NCAPD2: variants seen among roughly 807,000 people sequenced by gnomAD.
The protein encoded by NCAPD2 is condensin complex subunit 1.
NCAPD2 carries 100 observed loss-of-function variants against 164.5 expected under a neutral mutation model. The observed-to-expected ratio is 0.61, with a 90% confidence interval of 0.52 to 0.72. NCAPD2 has a LOEUF of 0.72. Ranked by LOEUF, NCAPD2 falls within the 30% of genes least tolerant of loss-of-function variation. The pLI is 0.00. For missense variants in NCAPD2, 1,560 were observed against 1,749.2 expected (o/e 0.89, Z 1.93); for synonymous variants, 585 against 642.6 (o/e 0.91, Z 1.36).
Position 6,528,112 on chromosome 12 carries a change from C to A in NCAPD2, c.3143+21C>A. ...ATCAGGTAGGCCGTGGGGTTGGTACCCCCTTCTCAAGGAAGATGGGGATGA... is the reference window on the plus strand; with the variant it reads ...ATCAGGTAGGCCGTGGGGTTGGTACACCCTTCTCAAGGAAGATGGGGATGA... On this transcript the variant is annotated intron_variant, in intron 24 of 31. Transcript: ENST00000315579. This position sits in a 1 kb window ranked among gnomAD's most constrained non-coding sequence, Gnocchi z 5.1. 4 of 1,614,178 alleles carry A rather than the reference C, an allele frequency of 2.5e-6. No individual in the cohort carries two copies. Among genetic ancestry groups the A allele is most frequent in the Non-Finnish European group, 3.4e-6 (4 of 1,180,036 alleles).
At chr12:6,502,244 T>C (rs187491525) in intron 2 of NCAPD2, among the ~76,000 whole-genome samples, 25 of 152,178 alleles carry the variant, frequency 1.6e-4, no homozygotes, top group African/African-American at 5.5e-4. Context: ...TGTATGGGCA[T>C]AGATGCAACT....
chr12:6,510,953 T>A (rs1946140927), intron 5 of NCAPD2, 143 bp downstream of exon 5: 2 of 1,295,148 alleles, frequency 1.5e-6, no homozygotes, highest in Admixed American at 2.3e-5. Flanking sequence ...GTCACACGTT[T>A]TCTTCCTGGA....
intron 16 of NCAPD2, 68 bp from the exon 17 acceptor site, chr12:6,523,194 C>CTAA: frequency 6.5e-7 from 1 of 1,534,800 alleles, no homozygotes; most frequent in Non-Finnish European, 9.0e-7. Flanking sequence ...TGGGATAGCC[C>CTAA]TAATCACTGT....
At chr12:6,520,191 A>T (rs562957659) in intron 13 of NCAPD2, among the ~76,000 whole-genome samples, 115 of 149,590 alleles carry the variant, frequency 7.7e-4, no homozygotes, top group East Asian at 3.5e-3. Flanking sequence ...TAAAAAAAAA[A>T]ATATATATAT....
intron 21 of NCAPD2, 25 bp downstream of exon 21, chr12:6,526,640 T>C (rs1222390388): frequency 5.0e-6 from 8 of 1,603,322 alleles, no homozygotes; most frequent in Non-Finnish European, 6.8e-6. Context: ...GTTGACCCAC[T>C]GCGGCAGCCA....
chr12:6,514,830 C>T lies in NCAPD2; in HGVS notation c.897C>T (p.Gly299=). 5.0e-6 allele frequency: 8 copies of T among 1,614,220 alleles called. No homozygotes were observed. Among genetic ancestry groups the T allele is most frequent in the Non-Finnish European group, 6.8e-6 (8 of 1,180,044 alleles). ...ELSRDPSGTK[G]FAAFLTELAE... Reference sequence around the variant, plus strand: ...GTCGAGACCCTTCAGGGACAAAGGGCTTTGCAGCATTCCTGACAGAACTAG... The same window carrying T: ...GTCGAGACCCTTCAGGGACAAAGGGTTTTGCAGCATTCCTGACAGAACTAG... The change falls in exon 9 of 32, where the codon GGC becomes GGT. Residue 299 remains glycine (G), a synonymous_variant. Transcript: ENST00000315579.
In NCAPD2 at chr12:6,528,453, T is replaced by G; in HGVS notation, c.3299+125T>G. 7.2e-7 allele frequency: 1 copy of G among 1,380,952 alleles called. No homozygotes were observed. The highest frequency in any genetic ancestry group is 1.0e-6 in the Non-Finnish European group (1 of 991,700). The allele number at this position is 1,380,952 out of a possible 1,614,324, so 85.5% of individuals were successfully genotyped here. On this transcript the variant is annotated intron_variant, in intron 25 of 31. Coordinates refer to ENST00000315579, the MANE Select transcript of NCAPD2 (RefSeq NM_014865.4). This position sits in a 1 kb window ranked among gnomAD's most constrained non-coding sequence, Gnocchi z 5.1. ...ATCACCGCGAACATCTGCTTGATAC[T>G]TGACCTGTACAGGCCCCTGGCTAAG...
In NCAPD2 at chr12:6,528,276, G is replaced by A. The variant is rs766180121; in HGVS notation, c.3247G>A (p.Ala1083Thr). Residue 1083 changes from alanine (A) to threonine (T), a missense_variant, in exon 25 of 32, where the codon GCC becomes ACC. Physicochemically the swap from Ala to Thr is moderately conservative, Grantham distance 58. Coordinates refer to ENST00000315579, the MANE Select transcript of NCAPD2 (RefSeq NM_014865.4). The surrounding 1 kb of genome is among the most constrained non-coding windows in gnomAD (Gnocchi z 5.1). ...CCTCATGGTTGCCACTGGGGATCTG[G>A]CCATCCGCTTTCCCAATCTGGTGGA... ...SNLMVATGDLAIRFPNLVDPW... is the reference protein window; with the variant it reads ...SNLMVATGDLTIRFPNLVDPW... The A allele has an allele frequency of 6.2e-7, 1 of 1,613,638 alleles. No homozygotes were observed. Among genetic ancestry groups the A allele is most frequent in the East Asian group, 2.2e-5 (1 of 44,896 alleles).
rs1205356167 is a variant in NCAPD2, at chr12:6,531,306, T to C, written c.4121-21T>C. ...ATCTTTGTGACTCAGCTTTTTCTTA[T>C]TCCTTTAATTCTTTGCATAGATCTT... On this transcript the variant is annotated intron_variant, in intron 31 of 31. Coordinates refer to ENST00000315579, the MANE Select transcript of NCAPD2 (RefSeq NM_014865.4). The surrounding 1 kb of genome is among the most constrained non-coding windows in gnomAD (Gnocchi z 4.1). The C allele has an allele frequency of 1.2e-6, 2 of 1,605,276 alleles. No individual in the cohort carries two copies. Among genetic ancestry groups the C allele is most frequent in the Non-Finnish European group, 1.7e-6 (2 of 1,175,704 alleles).
chr12:6,529,475 C>T (rs1235968195), intron 27 of NCAPD2, 38 bp from the exon 28 acceptor site: 3 of 1,586,628 alleles, frequency 1.9e-6, no homozygotes, highest in East Asian at 4.5e-5. Context: ...CAGAGCTGGC[C>T]CTGGGCCATC....
Position 6,528,651 on chromosome 12 carries a change from T to G in NCAPD2, c.3300-28T>G. 1.9e-6 allele frequency: 3 copies of G among 1,599,434 alleles called. No homozygotes were observed. The highest frequency in any genetic ancestry group is 2.6e-6 in the Non-Finnish European group (3 of 1,169,122). ...TTAGGGTGTAGCCCGGAGGTCTCGG[T>G]CCCCATGACCCGCAATTCCATTCCT... is the stretch of plus-strand genomic sequence containing the variant. On this transcript the variant is annotated intron_variant, in intron 25 of 31. Transcript: ENST00000315579. This position sits in a 1 kb window ranked among gnomAD's most constrained non-coding sequence, Gnocchi z 5.1.
intron 2 of NCAPD2, among the ~76,000 whole-genome samples, chr12:6,497,674 C>T (rs1226704815): frequency 6.6e-6 from 1 of 152,116 alleles, no homozygotes; most frequent in Non-Finnish European, 1.5e-5. Context: ...GGCTGGAGTG[C>T]AGTGGCGCAA....
chr12:6,525,559 G>A (rs778466150), intron 17 of NCAPD2, 24 bp from the exon 18 acceptor site: 2 of 1,584,038 alleles, frequency 1.3e-6, no homozygotes, highest in Non-Finnish European at 1.7e-6. Flanking sequence ...TTTTTGGCTT[G>A]AGCCCTTTTT....
rs369598953 is a variant in NCAPD2 at position 6,522,008 on chromosome 12, G to A, written c.1925G>A (p.Ser642Asn). 1.9e-6 allele frequency: 3 copies of A among 1,613,960 alleles called. No individual in the cohort carries two copies. The African/African-American group carries it at 4.0e-5, about 22-fold the overall frequency. Reference sequence around the variant, plus strand: ...ATTACAGAGGCCATTGGCATCATCAGCAAGATGATGTATGAAAACACAACT... The same window carrying A: ...ATTACAGAGGCCATTGGCATCATCAACAAGATGATGTATGAAAACACAACT... The part of the protein sequence containing the change: ...RKITEAIGII[S>N]KMMYENTTTV... The change falls in exon 15 of 32, where the codon AGC becomes AAC. Residue 642 changes from serine to asparagine, a missense_variant. By Grantham distance (46) the Ser-to-Asn change is conservative. Coordinates refer to ENST00000315579, the MANE Select transcript of NCAPD2 (RefSeq NM_014865.4).
rs1946369344 is a variant in NCAPD2 at position 6,531,144 on chromosome 12, A to G, written c.4120+68A>G. On this transcript the variant is annotated intron_variant, in intron 31 of 31. Transcript: ENST00000315579. This position sits in a 1 kb window ranked among gnomAD's most constrained non-coding sequence, Gnocchi z 4.1. ...TAGGGTGCAGAGGGCTGGTTTCCAT[A>G]GGACCTGCTGCGGGGGCCTGAGTGT... The G allele has an allele frequency of 1.3e-6, 2 of 1,594,140 alleles. No homozygotes were observed. Among genetic ancestry groups the G allele is most frequent in the Non-Finnish European group, 1.7e-6 (2 of 1,167,526 alleles).
intron 2 of NCAPD2, among the ~76,000 whole-genome samples, chr12:6,500,757 T>C (rs1946026816): frequency 1.3e-5 from 2 of 152,170 alleles, no homozygotes; most frequent in Admixed American, 1.3e-4. Context: ...TGAACTTCAG[T>C]GTGAATGAAC....
At position 6,515,844 on chromosome 12, in the gene NCAPD2, A is replaced by AG. The variant is rs574015353; in HGVS notation, c.987+924_987+925insG. Among the ~76,000 whole-genome samples the AG allele has an allele frequency of 5.3e-3, 805 of 152,278 alleles. 7 individuals are homozygous for AG. The highest frequency in any genetic ancestry group is 0.018 in the African/African-American group (734 of 41,556). ...TGTTTCTGTCTCATTTTCTGTCAGT[A>AG]AAGCATCTGAAGGAGAGTGGGAGGG... On this transcript the variant is annotated intron_variant, in intron 9 of 31. Transcript: ENST00000315579.
At chr12:6,507,744 G>A (rs1002253260) in intron 2 of NCAPD2, among the ~76,000 whole-genome samples, 2 of 152,154 alleles carry the variant, frequency 1.3e-5, no homozygotes, top group African/African-American at 2.4e-5. Flanking sequence ...AGTAATAAAG[G>A]AAAGCTAGTC....
At chr12:6,517,217 C>A in intron 10 of NCAPD2, 148 bp from the exon 11 acceptor site, 1 of 1,308,472 alleles carries the variant, frequency 7.6e-7, no homozygotes, top group Non-Finnish European at 1.0e-6. Context: ...TGTGTCTTAC[C>A]ACTACAAGGA....
Sources: allele counts gnomAD v4.1 joint callset (sites outside exome capture counted in the v4.1 genomes callset), GRCh38; gene constraint gnomAD v4.1.1; non-coding constraint Gnocchi (gnomAD v3.1); transcripts MANE v1.5; gene names NCBI Gene and HGNC (gene_info 2026-07-23, HGNC 2026-07-21).